Variants in PRKG2 observed in about 807,000 individuals in gnomAD.
The protein encoded by PRKG2 is cGMP-dependent protein kinase 2.
Under a neutral mutation model 97.2 loss-of-function variants are expected in PRKG2, and 33 were observed. The ratio of observed to expected loss-of-function variants is 0.34; its 90% CI spans 0.26 to 0.45. The LOEUF (loss-of-function observed/expected upper bound fraction) is 0.45, where lower values mean the gene tolerates loss of function less well. Ranked by LOEUF, PRKG2 falls within the 20% of genes least tolerant of loss-of-function variation. The probability of loss-of-function intolerance (pLI) is 1.00; values close to 1 mark genes in which losing one functional copy is unlikely to be tolerated. For synonymous variants in PRKG2, 330 were observed against 321.8 expected (o/e 1.03, Z -0.27); for missense variants, 638 against 900.0 (o/e 0.71, Z 3.73).
intron 12 of PRKG2, among the ~76,000 whole-genome samples, chr4:81,139,433 CAT>C (rs375727492): frequency 6.6e-6 from 1 of 151,874 alleles, no homozygotes; most frequent in Non-Finnish European, 1.5e-5. Context: ...CTCAAACACA[CAT>C]ATATATATAC....
At chr4:81,216,623 C>G (rs2110143225), upstream of PRKG2, among the ~76,000 whole-genome samples, 1 of 152,184 alleles carries the variant, frequency 6.6e-6, no homozygotes, top group South Asian at 2.1e-4. Flanking sequence ...TTTTAGCGCA[C>G]CTATTACCCT....
intron 2 of PRKG2, among the ~76,000 whole-genome samples, chr4:81,178,394 A>G (rs895652083): frequency 1.2e-4 from 19 of 152,104 alleles, no homozygotes; most frequent in Non-Finnish European, 8.8e-5. Flanking sequence ...GACTAAGGAC[A>G]GAGAGAAAAA....
In PRKG2 at chr4:81,090,908, C is replaced by A. The variant is rs562611694; in HGVS notation, c.2194-1105G>T. 5.9e-5 allele frequency among the ~76,000 whole-genome samples: 9 copies of A among 152,196 alleles called. No homozygotes were observed. The South Asian group carries it at 1.2e-3, about 21-fold the overall frequency. On this transcript the variant is annotated intron_variant, in intron 18 of 18. Coordinates refer to ENST00000264399, the MANE Select transcript of PRKG2 (RefSeq NM_006259.3). ...TATCCATAGATACATGAAATAATTT[C>A]TTCTCAAAAAATGTTTATTTAATAA...
At chr4:81,197,673 C>T (rs150302389) in intron 2 of PRKG2, among the ~76,000 whole-genome samples, 6 of 151,776 alleles carry the variant, frequency 4.0e-5, no homozygotes, top group East Asian at 1.9e-4. Flanking sequence ...TAGGTCATAG[C>T]AGAGTGTACC....
At chr4:81,113,862 T>A (rs1744227054) in intron 14 of PRKG2, among the ~76,000 whole-genome samples, 1 of 152,190 alleles carries the variant, frequency 6.6e-6, no homozygotes, top group Non-Finnish European at 1.5e-5. Flanking sequence ...TGATTTAATG[T>A]CTTTCTGCTA....
chr4:81,204,580 T>A lies in PRKG2; in HGVS notation c.461+7A>T. The A allele has an allele frequency of 6.2e-7, 1 of 1,608,984 alleles. No homozygotes were observed. The highest frequency in any genetic ancestry group is 8.5e-7 in the Non-Finnish European group (1 of 1,177,764). ...ATCTGAGTTTAAAGGATGCGGAAAT[T>A]TCTTACCTGGAGTCTTTTCTGACTC... On this transcript the variant is annotated splice_region_variant and intron_variant, in intron 2 of 18. Coordinates refer to ENST00000264399, the MANE Select transcript of PRKG2 (RefSeq NM_006259.3).
chr4:81,138,194 C>T (rs1746902869), intron 12 of PRKG2, among the ~76,000 whole-genome samples: 2 of 152,206 alleles, frequency 1.3e-5, no homozygotes, highest in South Asian at 4.1e-4. Context: ...TAGTCCTCAG[C>T]TGACAACCAC....
chr4:81,156,183 C>G (rs900371389), intron 6 of PRKG2, among the ~76,000 whole-genome samples: 11 of 152,002 alleles, frequency 7.2e-5, no homozygotes, highest in African/African-American at 2.7e-4. Flanking sequence ...TTCAGGAAAC[C>G]CATCTCACAG....
At position 81,091,372 on chromosome 4, in the gene PRKG2, T is replaced by G. The variant is rs182850582; in HGVS notation, c.2193+1014A>C. 4.9e-3 allele frequency among the ~76,000 whole-genome samples: 749 copies of G among 152,192 alleles called. 8 individuals carry two copies. Among genetic ancestry groups the G allele is most frequent in the African/African-American group, 0.017 (720 of 41,534 alleles). On this transcript the variant is annotated intron_variant, in intron 18 of 18. Coordinates refer to ENST00000264399, the MANE Select transcript of PRKG2 (RefSeq NM_006259.3). ...ATCTCGGCTCACTGCAAGCTCCACC[T>G]CCTGAGTTCACGCCATTCTCCTGCC... is the stretch of plus-strand genomic sequence containing the variant.
intron 14 of PRKG2, among the ~76,000 whole-genome samples, chr4:81,121,025 G>A (rs1425578333): frequency 2.0e-5 from 3 of 152,016 alleles, no homozygotes; most frequent in Non-Finnish European, 4.4e-5. Flanking sequence ...TTTGTCAAAT[G>A]GCTTTTCTGC....
intron 17 of PRKG2, among the ~76,000 whole-genome samples, chr4:81,101,926 G>A (rs1323032984): frequency 1.3e-5 from 2 of 152,038 alleles, no homozygotes; most frequent in Non-Finnish European, 2.9e-5. Context: ...ACTTGTGGAA[G>A]GTTTTTAAAC....
intron 1 of PRKG2, among the ~76,000 whole-genome samples, chr4:81,211,048 CAGAA>C (rs1334236224): frequency 6.6e-6 from 1 of 151,954 alleles, no homozygotes; most frequent in African/African-American, 2.4e-5. Context: ...TGGGGAAAGA[CAGAA>C]AGGAATAGGT....
At chr4:81,146,053 T>C (rs540642222) in intron 9 of PRKG2, among the ~76,000 whole-genome samples, 1 of 152,196 alleles carries the variant, frequency 6.6e-6, no homozygotes, top group South Asian at 2.1e-4. Flanking sequence ...GACTGAAGAG[T>C]AGTGAGACAT....
At position 81,197,967 on chromosome 4, in the gene PRKG2, C is replaced by A. The variant is rs137868286; in HGVS notation, c.461+6620G>T. On this transcript the variant is annotated intron_variant, in intron 2 of 18. Coordinates refer to ENST00000264399, the MANE Select transcript of PRKG2 (RefSeq NM_006259.3). ...GCTCAGCCAAGGCTAGGTACTGGGT[C>A]CAAAAGTGCCATGGTTTTTGTGTAG... Among the ~76,000 whole-genome samples the A allele has an allele frequency of 6.6e-5, 10 of 152,254 alleles. No individual in the cohort carries two copies. The East Asian group carries it at 1.7e-3, about 26-fold the overall frequency.
At chr4:81,149,077 CT>C (rs958123065) in intron 8 of PRKG2, 125 bp from the exon 9 acceptor site, 32 of 839,436 alleles carry the variant, frequency 3.8e-5, no homozygotes, top group Non-Finnish European at 5.9e-5. Flanking sequence ...AAAACTGCTG[CT>C]TTTAAACATC....
At chr4:81,116,860 G>T (rs2868139) in intron 14 of PRKG2, among the ~76,000 whole-genome samples, 35,891 of 151,634 alleles carry the variant, frequency 0.24, 5,655 homozygotes, top group East Asian at 0.46. Context: ...TTTTTAAATG[G>T]GATTGCTTTT....
intron 17 of PRKG2, among the ~76,000 whole-genome samples, chr4:81,094,430 G>T (rs1206621944): frequency 6.6e-6 from 1 of 152,002 alleles, no homozygotes; most frequent in African/African-American, 2.4e-5. Context: ...TTGTTTGTTT[G>T]TTTTTTAATT....
chr4:81,113,317 CT>C (rs941954801), intron 14 of PRKG2, among the ~76,000 whole-genome samples: 1 of 151,480 alleles, frequency 6.6e-6, no homozygotes, highest in Non-Finnish European at 1.5e-5. Context: ...ACACCCTCCC[CT>C]TTTTTTTCAA....
intron 2 of PRKG2, among the ~76,000 whole-genome samples, chr4:81,192,567 A>T (rs1368772280): frequency 1.3e-5 from 2 of 152,194 alleles, no homozygotes; most frequent in Non-Finnish European, 2.9e-5. Flanking sequence ...CAAGTAACTT[A>T]GGCTTTCTGA....
Sources: gnomAD v4.1 joint callset for allele counts (sites outside exome capture counted in the v4.1 genomes callset) on GRCh38, gnomAD v4.1.1 for gene constraint, MANE v1.5 for transcripts, NCBI Gene and HGNC (gene_info 2026-07-23, HGNC 2026-07-21) for gene names.